Variants in MYO15A observed in about 807,000 individuals in gnomAD.
MYO15A encodes the protein myosin XVA.
Under a neutral mutation model 394.6 loss-of-function variants are expected in MYO15A, and 308 were observed. The ratio of observed to expected loss-of-function variants is 0.78; its 90% confidence interval spans 0.71 to 0.86. The LOEUF (loss-of-function observed/expected upper bound fraction) is 0.86. Ranked by LOEUF, MYO15A falls within the 40% of genes least tolerant of loss-of-function variation. The pLI is 0.00. For synonymous variants in MYO15A, 1,957 were observed against 2,003.8 expected (o/e 0.98, Z 0.62); for missense variants, 4,606 against 4,799.1 (o/e 0.96, Z 1.19).
chr17:18,133,849 G>A (rs912252942), intron 12 of MYO15A, among the ~76,000 whole-genome samples: 1 of 152,058 alleles, frequency 6.6e-6, no homozygotes, highest in South Asian at 2.1e-4. Flanking sequence ...GTAGAGACGG[G>A]GTTTCACCAT....
intron 61 of MYO15A, 46 bp downstream of exon 61, chr17:18,166,567 C>A: frequency 6.2e-7 from 1 of 1,604,768 alleles, no homozygotes; most frequent in Non-Finnish European, 8.5e-7. Flanking sequence ...TTCTAGGCTC[C>A]CCTGGGCCTG....
At position 18,156,955 on chromosome 17, in the gene MYO15A, ACT is replaced by A. The variant is rs1250467812; in HGVS notation, c.8606_8607del (p.Ser2869Ter). ...TCACCCTGCCTCTGGCTGACCCAGGACTCTGACTACGTGGTCGCTGTGAGGAA... is the reference window on the plus strand; with the variant it reads ...TCACCCTGCCTCTGGCTGACCCAGGACTGACTACGTGGTCGCTGTGAGGAA... On this transcript the variant is annotated frameshift_variant and splice_region_variant, in exon 49 of 66. Coordinates refer to ENST00000647165, the MANE Select transcript of MYO15A (RefSeq NM_016239.4). LOFTEE classifies it high-confidence loss of function. 1 of 1,613,832 alleles carries A rather than the reference ACT, an allele frequency of 6.2e-7. No individual in the cohort carries two copies. Among genetic ancestry groups the A allele is most frequent in the Non-Finnish European group, 8.5e-7 (1 of 1,179,962 alleles).
chr17:18,116,158 A>G lies in MYO15A; in HGVS notation c.-219-2424A>G, dbSNP rs190746260. Among the ~76,000 whole-genome samples, 71 of 152,314 alleles carry G rather than the reference A, an allele frequency of 4.7e-4. No homozygotes were observed. In the East Asian group the frequency reaches 0.012, roughly 25 times the overall value. On this transcript the variant is annotated intron_variant, in intron 1 of 65. Transcript: ENST00000647165. ...GGAAAGGGGCCAGGCTGACTGAGGA[A>G]TCCAGGTTGGGGTAGCGGTGGGCAA...
chr17:18,163,162 G>T, intron 58 of MYO15A, 82 bp from the exon 59 acceptor site: 1 of 1,453,202 alleles, frequency 6.9e-7, no homozygotes, highest in South Asian at 1.1e-5. Context: ...CCTTTGGCTT[G>T]GGAACTCCCA....
At chr17:18,169,970 CAAAAAAAAAA>C (rs202026399) in intron 62 of MYO15A, among the ~76,000 whole-genome samples, 3 of 59,778 alleles carry the variant, frequency 5.0e-5, no homozygotes, top group African/African-American at 2.4e-4. Flanking sequence ...GACCCTGTCT[CAAAAAAAAAA>C]AAAAAAAAAA....
Position 18,140,512 on chromosome 17 carries a change from C to T in MYO15A, c.5212-5C>T. 6.2e-7 allele frequency: 1 copy of T among 1,613,526 alleles called. No homozygotes were observed. The highest frequency in any genetic ancestry group is 8.5e-7 in the Non-Finnish European group (1 of 1,180,028). On this transcript the variant is annotated splice_region_variant and splice_polypyrimidine_tract_variant and intron_variant, in intron 19 of 65. Transcript: ENST00000647165. ...TCTGTTTTCCCTGCCCCGACCCCTGCCCAGGTGGTGGCACACCTCTTCTCC... is the reference window on the plus strand; with the variant it reads ...TCTGTTTTCCCTGCCCCGACCCCTGTCCAGGTGGTGGCACACCTCTTCTCC...
Position 18,178,946 on chromosome 17 carries a change from G to T in MYO15A, c.*76G>T. 6.9e-7 allele frequency: 1 copy of T among 1,448,882 alleles called. No homozygotes were observed. Among genetic ancestry groups the T allele is most frequent in the African/African-American group, 1.4e-5 (1 of 71,742 alleles). 89.8% of individuals were successfully genotyped at this position (1,448,882 alleles called of 1,614,324 possible). On this transcript the variant is annotated 3_prime_UTR_variant, in exon 66 of 66. Coordinates refer to ENST00000647165, the MANE Select transcript of MYO15A (RefSeq NM_016239.4). The stretch of plus-strand genomic sequence containing the variant: ...CTCAGAGAAATCACTGAACCTCTCA[G>T]GATCAATGACCCCTGTAAGGGGCCA...
Position 18,146,011 on chromosome 17 carries a change from A to G in MYO15A, c.6413A>G (p.Asn2138Ser), listed in dbSNP as rs372843145. Residue 2138 changes from asparagine (N) to serine (S), a missense_variant, in exon 30 of 66, where the codon AAT becomes AGT. Transcript: ENST00000647165. ...CAGCTGGCCAATCAGGTGTGGCACAATCACAATGCCCACAATGCTGAGCGG... is the reference window on the plus strand; with the variant it reads ...CAGCTGGCCAATCAGGTGTGGCACAGTCACAATGCCCACAATGCTGAGCGG... ...LAQLANQVWH[N>S]HNAHNAERGW... The G allele has an allele frequency of 6.2e-7, 1 of 1,613,908 alleles. No individual in the cohort carries two copies. The highest frequency in any genetic ancestry group is 8.5e-7 in the Non-Finnish European group (1 of 1,180,020).
At position 18,120,868 on chromosome 17, in the gene MYO15A, C is replaced by T; in HGVS notation, c.2068C>T (p.Pro690Ser). Residue 690 changes from proline to serine, a missense_variant, in exon 2 of 66, where the codon CCG becomes TCG. Around this residue, in one of 2 missense-constraint regions of MYO15A, gnomAD observed 1,830 missense variants for 1,689.7 expected, o/e 1.08. Transcript: ENST00000647165. ...LSPALSGLPR[P>S]ASPYGSLRRH... is the part of the protein sequence containing the mutation. ...CCCGGCGCTCTCGGGCCTGCCCCGGCCGGCCTCGCCCTACGGCTCCCTCCG... is the reference window on the plus strand; with the variant it reads ...CCCGGCGCTCTCGGGCCTGCCCCGGTCGGCCTCGCCCTACGGCTCCCTCCG... 1 of 1,255,452 alleles carries T rather than the reference C, an allele frequency of 8.0e-7. No homozygotes were observed. The highest frequency in any genetic ancestry group is 1.0e-6 in the Non-Finnish European group (1 of 996,882). The allele number at this position is 1,255,452 out of a possible 1,614,324, so 77.8% of individuals were successfully genotyped here.
At chr17:18,154,640 G>A in intron 44 of MYO15A, 40 bp from the exon 45 acceptor site, 1 of 1,604,484 alleles carries the variant, frequency 6.2e-7, no homozygotes, top group South Asian at 1.1e-5. Context: ...CCAGCTGGGG[G>A]AGTCCCATGT....
chr17:18,139,297 C>T (rs1281170640), intron 18 of MYO15A: 16 of 622,710 alleles, frequency 2.6e-5, no homozygotes, highest in Non-Finnish European at 2.4e-5. Flanking sequence ...TGTCCCCATC[C>T]GGGCCTTACT....
intron 45 of MYO15A, 74 bp from the exon 46 acceptor site, chr17:18,155,036 C>T (rs2046651212): frequency 1.4e-6 from 2 of 1,422,612 alleles, no homozygotes; most frequent in South Asian, 2.4e-5. Context: ...AGCCACCTCC[C>T]TCCCTGACAT....
rs1417711183 is a variant in MYO15A at position 18,153,778 on chromosome 17, T to G, written c.7970T>G (p.Leu2657Arg). 6.2e-7 allele frequency: 1 copy of G among 1,613,552 alleles called. No homozygotes were observed. Among genetic ancestry groups the G allele is most frequent in the Non-Finnish European group, 8.5e-7 (1 of 1,179,972 alleles). Reference protein sequence around the residue: ...PRPSMAPTSALPSRSLEPPEE... With the variant: ...PRPSMAPTSARPSRSLEPPEE... ...CCCTGATCCCCGCGCTCTCCAGCTC[T>G]GCCCTCGCGATCGCTGGAGCCCCCT... Residue 2657 changes from leucine to arginine, a missense_variant, in exon 43 of 66, where the codon CTG becomes CGG. Leu to Arg is a moderately radical substitution (Grantham distance 102, BLOSUM62 -2). Coordinates refer to ENST00000647165, the MANE Select transcript of MYO15A (RefSeq NM_016239.4). This position sits in a 1 kb window ranked among gnomAD's most constrained non-coding sequence, Gnocchi z 4.1.
Position 18,163,514 on chromosome 17 carries a change from G to C in MYO15A, c.9690+193G>C, listed in dbSNP as rs1303952958. On this transcript the variant is annotated intron_variant, in intron 59 of 65. Transcript: ENST00000647165. ...CAGAGAGGTTAAGCCTCTGGCTCAG[G>C]GTCATCCTGCAAAAAAGGGACAGAA... 5.3e-5 allele frequency among the ~76,000 whole-genome samples: 8 copies of C among 152,164 alleles called. No homozygotes were observed. The East Asian group carries it at 1.5e-3, about 29-fold the overall frequency.
At chr17:18,166,573 G>T (rs372972818) in intron 61 of MYO15A, 52 bp downstream of exon 61, 10 of 1,602,500 alleles carry the variant, frequency 6.2e-6, no homozygotes, top group Non-Finnish European at 8.5e-6. Flanking sequence ...GCTCCCCTGG[G>T]CCTGTGAATC....
Position 18,163,788 on chromosome 17 carries a change from C to CA in MYO15A, c.9738dup (p.Arg3247ThrfsTer3). ...GAGATATGTGCTGAGATGGCTCTGA[C>CA]ACGCCCTGAGGCCTTCAATGAATAT... On this transcript the variant is annotated frameshift_variant, in exon 60 of 66. Coordinates refer to ENST00000647165, the MANE Select transcript of MYO15A (RefSeq NM_016239.4). LOFTEE classifies it high-confidence loss of function. 6.2e-7 allele frequency: 1 copy of CA among 1,614,110 alleles called. No individual in the cohort carries two copies.
At chr17:18,130,220 G>T (rs116903076) in intron 7 of MYO15A, among the ~76,000 whole-genome samples, 4,850 of 152,210 alleles carry the variant, frequency 0.032, 106 homozygotes, top group Non-Finnish European at 0.048. Context: ...ATATTTTTGA[G>T]AGCCTATTAA....
In MYO15A at chr17:18,121,558, T is replaced by C. The variant is rs750123315; in HGVS notation, c.2758T>C (p.Trp920Arg). Residue 920 changes from tryptophan (W) to arginine (R), a missense_variant, in exon 2 of 66, where the codon TGG becomes CGG. Physicochemically the swap from Trp to Arg is moderately radical, Grantham distance 101 (BLOSUM62 -3). Around this residue, in one of 2 missense-constraint regions of MYO15A, gnomAD observed 1,830 missense variants for 1,689.7 expected, o/e 1.08. Transcript: ENST00000647165. The surrounding 1 kb of genome is among the most constrained non-coding windows in gnomAD (Gnocchi z 5.3). The stretch of plus-strand genomic sequence containing the variant: ...AGAACCCGAGGACTCAGAGACGCCC[T>C]GGACTGTGCCCCCACTGGCCCCCAG... The part of the protein sequence containing the change: ...PREPEDSETP[W>R]TVPPLAPSWD... 1 of 1,588,428 alleles carries C rather than the reference T, an allele frequency of 6.3e-7. No individual in the cohort carries two copies. The highest frequency in any genetic ancestry group is 1.7e-5 in the Admixed American group (1 of 57,788).
At chr17:18,140,045 C>A (rs2046350755) in intron 19 of MYO15A, among the ~76,000 whole-genome samples, 1 of 152,230 alleles carries the variant, frequency 6.6e-6, no homozygotes, top group African/African-American at 2.4e-5. Context: ...CGGGGAAGAG[C>A]TTGGGGGACC....
Sources: gnomAD v4.1 joint callset for allele counts (sites outside exome capture counted in the v4.1 genomes callset) on GRCh38, gnomAD v4.1.1 for gene constraint, gnomAD v4.1.1 regional missense constraint, Gnocchi (gnomAD v3.1) non-coding constraint, MANE v1.5 for transcripts, NCBI Gene and HGNC (gene_info 2026-07-23, HGNC 2026-07-21) for gene names.